Variants in IL1R1 observed in about 807,000 individuals in gnomAD.
The protein encoded by IL1R1 is interleukin-1 receptor type 1.
A neutral mutation model predicts 50.2 loss-of-function variants in IL1R1; 22 were observed. That is an observed-to-expected ratio of 0.44 (90% CI 0.31 to 0.63). The LOEUF (loss-of-function observed/expected upper bound fraction) is 0.63. IL1R1 is among the 20% of genes least tolerant of loss of function. The pLI, the probability that IL1R1 is intolerant of heterozygous loss-of-function variation, is 0.07. For missense variants in IL1R1, 509 were observed against 676.2 expected (o/e 0.75, Z 2.74); for synonymous variants, 251 against 236.7 (o/e 1.06, Z -0.55).
chr2:102,120,170 A>C (rs1408717258), intron 1 of IL1R1, among the ~76,000 whole-genome samples: 3 of 152,184 alleles, frequency 2.0e-5, no homozygotes, highest in Non-Finnish European at 2.9e-5. Flanking sequence ...AGTCTTTAGC[A>C]TGAAACCTTT....
At chr2:102,074,765 A>G (rs1678887957) in intron 1 of IL1R1, among the ~76,000 whole-genome samples, 1 of 152,234 alleles carries the variant, frequency 6.6e-6, no homozygotes, top group African/African-American at 2.4e-5. Context: ...TTAGAAAAGT[A>G]AAACAATACA....
chr2:102,125,512 G>T lies in IL1R1; in HGVS notation c.-84+20640G>T, dbSNP rs139383212. 6.1e-4 allele frequency among the ~76,000 whole-genome samples: 93 copies of T among 152,292 alleles called. 1 individual carries two copies. The highest frequency in any genetic ancestry group is 2.1e-3 in the African/African-American group (89 of 41,542). On this transcript the variant is annotated intron_variant, in intron 1 of 10. Coordinates refer to the IL1R1 transcript ENST00000409329. ...ACAGTCATGAAGGTATGTTCAGAAT[G>T]AAGTCACATGTAGCAGTCAGGATAG...
In IL1R1 at chr2:102,168,721, A is replaced by C; in HGVS notation, c.721+58A>C. On this transcript the variant is annotated intron_variant, in intron 7 of 11. Transcript: ENST00000410023. Reference sequence around the variant, plus strand: ...CGGTTTTTTTTTTTTAAAACATAAGAGTAAGATAAATTGTATCTTTACTAT... The same window carrying C: ...CGGTTTTTTTTTTTTAAAACATAAGCGTAAGATAAATTGTATCTTTACTAT... 4.1e-6 allele frequency: 5 copies of C among 1,211,186 alleles called. No homozygotes were observed. The South Asian group carries it at 5.1e-5, about 12-fold the overall frequency. The allele number at this position is 1,211,186 out of a possible 1,614,324, so 75.0% of individuals were successfully genotyped here.
intron 2 of IL1R1, 137 bp from the exon 3 acceptor site, chr2:102,157,582 G>A (rs1684309714): frequency 3.0e-6 from 2 of 661,990 alleles, no homozygotes; most frequent in Non-Finnish European, 5.4e-6. Flanking sequence ...CATTCATGAT[G>A]TAGAAAAACC....
rs1453012699 is a variant in IL1R1, at chr2:102,142,911, C to A, written c.-193C>A. On this transcript the variant is annotated 5_prime_UTR_variant, in exon 1 of 12. Transcript: ENST00000410023. ...CGGCAGGAATGTGACAATCGCGCGC[C>A]CGCGCACCGAAGCACTCCTCGCTCG... The A allele has an allele frequency of 1.3e-5, 2 of 151,660 alleles. No homozygotes were observed. Among genetic ancestry groups the A allele is most frequent in the Admixed American group, 1.3e-4 (2 of 15,216 alleles). 9.4% of individuals were successfully genotyped at this position (151,660 alleles called of 1,614,324 possible).
intron 7 of IL1R1, 34 bp downstream of exon 7, chr2:102,168,697 G>GTTTT: frequency 1.7e-6 from 2 of 1,185,690 alleles, no homozygotes; most frequent in Non-Finnish European, 2.3e-6. Flanking sequence ...TGCTGGAATC[G>GTTTT]GTTTTTTTTT....
At chr2:102,112,613 A>G (rs1028058413) in intron 1 of IL1R1, among the ~76,000 whole-genome samples, 5 of 152,204 alleles carry the variant, frequency 3.3e-5, no homozygotes, top group Non-Finnish European at 7.3e-5. Flanking sequence ...GGGGTTGTCA[A>G]GGCCTAATGC....
At chr2:102,100,062 C>T (rs984373220), upstream of IL1R1, among the ~76,000 whole-genome samples, 1 of 152,184 alleles carries the variant, frequency 6.6e-6, no homozygotes, top group Non-Finnish European at 1.5e-5. Context: ...CTGGCTTGGC[C>T]TCGAGGCATT....
intron 1 of IL1R1, among the ~76,000 whole-genome samples, chr2:102,075,386 G>A (rs898139486): frequency 1.1e-4 from 16 of 152,202 alleles, no homozygotes; most frequent in Non-Finnish European, 2.1e-4. Context: ...CCTGCCATTA[G>A]GAGCTTGTGA....
chr2:102,071,295 T>G (rs1678707421), intron 1 of IL1R1, among the ~76,000 whole-genome samples: 1 of 152,226 alleles, frequency 6.6e-6, no homozygotes, highest in South Asian at 2.1e-4. Context: ...GTAGCTCAAT[T>G]TGCCTTTTTA....
intron 6 of IL1R1, among the ~76,000 whole-genome samples, chr2:102,166,790 G>C (rs1304715334): frequency 2.0e-5 from 3 of 152,164 alleles, no homozygotes; most frequent in Non-Finnish European, 4.4e-5. Flanking sequence ...AATCTCCCAA[G>C]GTTATTGGGA....
chr2:102,155,145 T>C (rs1351361850), intron 2 of IL1R1, among the ~76,000 whole-genome samples: 1 of 152,232 alleles, frequency 6.6e-6, no homozygotes, highest in East Asian at 1.9e-4. Flanking sequence ...AATGGTTAAC[T>C]GAAAACATTT....
At chr2:102,082,757 G>A (rs1050969013) in intron 1 of IL1R1, among the ~76,000 whole-genome samples, 1 of 152,160 alleles carries the variant, frequency 6.6e-6, no homozygotes, top group Non-Finnish European at 1.5e-5. Flanking sequence ...TGAGCTATTT[G>A]TTGCTGGGAG....
At chr2:102,098,355 T>A (rs1035757837) in intron 1 of IL1R1, among the ~76,000 whole-genome samples, 1 of 152,154 alleles carries the variant, frequency 6.6e-6, no homozygotes, top group Non-Finnish European at 1.5e-5. Flanking sequence ...ATTACTATTA[T>A]GAATTAGTTT....
At chr2:102,103,535 G>T (rs143853634), upstream of IL1R1, among the ~76,000 whole-genome samples, 316 of 152,302 alleles carry the variant, frequency 2.1e-3, 1 homozygote, top group Non-Finnish European at 2.5e-3. Flanking sequence ...ACAATGACAG[G>T]AAAGTGTGTG....
At chr2:102,172,324 G>T (rs1056019557) in intron 8 of IL1R1, 2 of 985,018 alleles carry the variant, frequency 2.0e-6, no homozygotes, top group African/African-American at 3.5e-5. Flanking sequence ...GGATCTCCTG[G>T]CTTCCCATGA....
chr2:102,104,311 A>G (rs1049959011), upstream of IL1R1, among the ~76,000 whole-genome samples: 8 of 152,224 alleles, frequency 5.3e-5, no homozygotes, highest in African/African-American at 1.9e-4. Context: ...GGGAAAGCTT[A>G]GGCCACCACA....
intron 6 of IL1R1, among the ~76,000 whole-genome samples, chr2:102,168,065 C>A (rs942735818): frequency 2.6e-4 from 39 of 152,064 alleles, no homozygotes; most frequent in Admixed American, 2.4e-3. Flanking sequence ...CACAGATAAA[C>A]CCCTGAAACC....
chr2:102,162,975 A>C (rs534726377), intron 3 of IL1R1, among the ~76,000 whole-genome samples: 6 of 152,274 alleles, frequency 3.9e-5, no homozygotes, highest in Non-Finnish European at 5.9e-5. Flanking sequence ...CAAATCTGAA[A>C]AAGTCAGTAT....
Sources: allele counts gnomAD v4.1 joint callset (sites outside exome capture counted in the v4.1 genomes callset), GRCh38; gene constraint gnomAD v4.1.1; transcripts MANE v1.5; gene names NCBI Gene and HGNC (gene_info 2026-07-23, HGNC 2026-07-21).